Variants in NSL1 observed in about 807,000 individuals in gnomAD.
The protein encoded by NSL1 is NSL1 component of MIS12 kinetochore complex.
In NSL1, 11 loss-of-function variants were observed where a neutral mutation model predicts 25.4. That is an observed-to-expected ratio of 0.43 (90% CI 0.27 to 0.72). The LOEUF (loss-of-function observed/expected upper bound fraction) is 0.72. Ranked by LOEUF, NSL1 falls within the 30% of genes least tolerant of loss-of-function variation. The pLI, the probability that NSL1 is intolerant of heterozygous loss-of-function variation, is 0.19. For synonymous variants in NSL1, 118 were observed against 120.6 expected, an observed-to-expected ratio of 0.98 and a Z score of 0.14; for missense variants, 330 against 342.7, an observed-to-expected ratio of 0.96 and a Z score of 0.29.
chr1:212,762,849 T>C (rs1481822713), intron 4 of NSL1, among the ~76,000 whole-genome samples: 1 of 152,170 alleles, frequency 6.6e-6, no homozygotes, highest in Admixed American at 6.5e-5. Flanking sequence ...CTGCATCTCA[T>C]AGGGGCCCTC....
Position 212,736,074 on chromosome 1 carries a change from G to A in NSL1, c.*2334C>T, listed in dbSNP as rs1658221143. Reference sequence around the variant, plus strand: ...TTATTTTGAAACAGGGTCTCACTCTGTCACCCAGGCTGGAGTACAGTGGTG... The same window carrying A: ...TTATTTTGAAACAGGGTCTCACTCTATCACCCAGGCTGGAGTACAGTGGTG... On this transcript the variant is annotated 3_prime_UTR_variant, in exon 6 of 6. Transcript: ENST00000366977. 1 of 981,506 alleles carries A rather than the reference G, an allele frequency of 1.0e-6. No homozygotes were observed. The highest frequency in any genetic ancestry group is 6.1e-5 in the Admixed American group (1 of 16,266). The allele number at this position is 981,506 out of a possible 1,614,324, so 60.8% of individuals were successfully genotyped here.
Position 212,726,785 on chromosome 1 carries a change from G to C in NSL1, c.*11623C>G, listed in dbSNP as rs1657807314. 4.6e-6 allele frequency: 1 copy of C among 215,992 alleles called. No individual in the cohort carries two copies. 13.4% of individuals were successfully genotyped at this position (215,992 alleles called of 1,614,324 possible). On this transcript the variant is annotated 3_prime_UTR_variant, in exon 6 of 6. Transcript: ENST00000366977. ...CCATGGTGTCCATGAGAGGCTGCCA[G>C]CCACCTCGGTGGGGTCCTCCCACAA...
At chr1:212,757,947 AG>A (rs1298720251) in intron 4 of NSL1, among the ~76,000 whole-genome samples, 3 of 152,242 alleles carry the variant, frequency 2.0e-5, no homozygotes, top group African/African-American at 4.8e-5. Context: ...TAAAGGCAGC[AG>A]GATCTACTGA....
In NSL1 at chr1:212,731,514, A is replaced by G. The variant is rs1658015277; in HGVS notation, c.*6894T>C. 1.0e-6 allele frequency: 1 copy of G among 985,298 alleles called. No individual in the cohort carries two copies. The highest frequency in any genetic ancestry group is 6.1e-5 in the Admixed American group (1 of 16,262). 61.0% of individuals were successfully genotyped at this position (985,298 alleles called of 1,614,324 possible). On this transcript the variant is annotated 3_prime_UTR_variant, in exon 6 of 6. Transcript: ENST00000366977. ...TAGGGGATGATTTGTCTCTTAAACC[A>G]AATTTATTTTCCCTTAATTACTATA...
At chr1:212,790,877 C>T (rs919103977) in intron 1 of NSL1, among the ~76,000 whole-genome samples, 1 of 151,408 alleles carries the variant, frequency 6.6e-6, no homozygotes, top group African/African-American at 2.4e-5. Flanking sequence ...GAGCCGAGAT[C>T]GCGCCACTGC....
chr1:212,741,835 AG>A (rs1658521325), intron 4 of NSL1, among the ~76,000 whole-genome samples: 1 of 152,222 alleles, frequency 6.6e-6, no homozygotes, highest in Non-Finnish European at 1.5e-5. Context: ...AGAGAAACAC[AG>A]GAAGTTCTTC....
chr1:212,738,520 T>C lies in NSL1; in HGVS notation c.734A>G (p.Glu245Gly). The change falls in exon 6 of 6, where the codon GAG (glutamate) becomes GGG (glycine). Residue 245 changes from glutamate to glycine, a missense_variant. Coordinates refer to ENST00000366977, the MANE Select transcript of NSL1 (RefSeq NM_015471.4). ...FITQIETTPT[E>G]TASRKTSDMV... ...GTCAGAGGTTTTCCTGGAAGCAGTC[T>C]CTGTTGGTGTGGTTTCTATCTGTGT... 1 of 1,614,192 alleles carries C rather than the reference T, an allele frequency of 6.2e-7. No individual in the cohort carries two copies. Among genetic ancestry groups the C allele is most frequent in the African/African-American group, 1.3e-5 (1 of 75,044 alleles).
intron 4 of NSL1, among the ~76,000 whole-genome samples, chr1:212,757,420 T>C (rs1400340156): frequency 6.6e-6 from 1 of 152,182 alleles, no homozygotes; most frequent in Non-Finnish European, 1.5e-5. Context: ...TGTTAGTCTG[T>C]TTTATTACTA....
intron 4 of NSL1, among the ~76,000 whole-genome samples, chr1:212,743,528 A>G (rs1178402714): frequency 3.3e-5 from 5 of 151,228 alleles, no homozygotes; most frequent in African/African-American, 1.2e-4. Context: ...GGTTCCATGT[A>G]TACTCCAAAT....
Position 212,736,113 on chromosome 1 carries a change from C to T in NSL1, c.*2295G>A, listed in dbSNP as rs773996639. 6.6e-6 allele frequency: 6 copies of T among 912,258 alleles called. No homozygotes were observed. Among genetic ancestry groups the T allele is most frequent in the Non-Finnish European group, 7.9e-6 (6 of 763,352 alleles). The allele number at this position is 912,258 out of a possible 1,614,324, so 56.5% of individuals were successfully genotyped here. ...AGTACAGTGGTGCCATCCTGGCTCA[C>T]TGCAACTTCTGCCTCCAGGGCTCAA... On this transcript the variant is annotated 3_prime_UTR_variant, in exon 6 of 6. Coordinates refer to ENST00000366977, the MANE Select transcript of NSL1 (RefSeq NM_015471.4).
chr1:212,758,307 A>G (rs1659407514), intron 4 of NSL1, among the ~76,000 whole-genome samples: 2 of 152,254 alleles, frequency 1.3e-5, no homozygotes, highest in African/African-American at 4.8e-5. Context: ...CAGATTCTCA[A>G]GACACTGCTC....
intron 4 of NSL1, among the ~76,000 whole-genome samples, chr1:212,777,931 G>A (rs893770058): frequency 3.3e-5 from 5 of 152,202 alleles, no homozygotes; most frequent in African/African-American, 1.2e-4. Flanking sequence ...TGAAATGGAA[G>A]AGAGCAAGAG....
rs1659525119 is a variant in NSL1, at chr1:212,760,689, A to G, written c.500-21088T>C. Among the ~76,000 whole-genome samples the G allele has an allele frequency of 6.6e-6, 1 of 151,870 alleles. No homozygotes were observed. Among genetic ancestry groups the G allele is most frequent in the African/African-American group, 2.4e-5 (1 of 41,308 alleles). On this transcript the variant is annotated intron_variant, in intron 4 of 5. Transcript: ENST00000366977. The surrounding 1 kb of genome is among the most constrained non-coding windows in gnomAD (Gnocchi z 4.3). ...CCCGCCACTGCTACTGCCATCACCAACACCACGCATACTGCCCAGGGACTC... is the reference window on the plus strand; with the variant it reads ...CCCGCCACTGCTACTGCCATCACCAGCACCACGCATACTGCCCAGGGACTC...
At chr1:212,790,215 G>C (rs547364817) in intron 1 of NSL1, among the ~76,000 whole-genome samples, 1 of 152,184 alleles carries the variant, frequency 6.6e-6, no homozygotes, top group Non-Finnish European at 1.5e-5. Context: ...TTTTAGTAGA[G>C]ACGGGGTTTC....
rs1294281104 is a variant in NSL1 at position 212,735,102 on chromosome 1, A to C, written c.*3306T>G. The stretch of plus-strand genomic sequence containing the variant: ...CATAGACAGGTTATGTAACTTGCCC[A>C]ATGTCACTGAACTAATAATGGTAGA... On this transcript the variant is annotated 3_prime_UTR_variant, in exon 6 of 6. Transcript: ENST00000366977. Among the ~76,000 whole-genome samples, 2 of 152,222 alleles carry C rather than the reference A, an allele frequency of 1.3e-5. No individual in the cohort carries two copies. Among genetic ancestry groups the C allele is most frequent in the Non-Finnish European group, 1.5e-5 (1 of 68,038 alleles).
In NSL1 at chr1:212,732,613, C is replaced by T. The variant is rs572594956; in HGVS notation, c.*5795G>A. ...CCGGCCTACATAGTCTTATTCCAAC[C>T]TGGTCTGCCTAGTCTCCAAATCTGC... On this transcript the variant is annotated 3_prime_UTR_variant, in exon 6 of 6. Transcript: ENST00000366977. 1.5e-5 allele frequency: 15 copies of T among 985,320 alleles called. No individual in the cohort carries two copies. The highest frequency in any genetic ancestry group is 1.7e-5 in the Non-Finnish European group (14 of 829,898). 61.0% of individuals were successfully genotyped at this position (985,320 alleles called of 1,614,324 possible).
At position 212,730,237 on chromosome 1, in the gene NSL1, CAAA is replaced by C. The variant is rs532313864; in HGVS notation, c.*8168_*8170del. ...TACACTCCAGCCTGGGTGACAGTCT[CAAA>C]AAAAAAAAAAAAAAAAAAAAAAAAA... On this transcript the variant is annotated 3_prime_UTR_variant, in exon 6 of 6. Transcript: ENST00000366977. The C allele has an allele frequency of 0.015, 8,632 of 594,428 alleles. No individual in the cohort carries two copies. The highest frequency in any genetic ancestry group is 0.038 in the African/African-American group (806 of 21,216). The allele number at this position is 594,428 out of a possible 1,614,324, so 36.8% of individuals were successfully genotyped here.
chr1:212,728,052 C>G lies in NSL1; in HGVS notation c.*10356G>C. The G allele has an allele frequency of 1.0e-6, 1 of 985,408 alleles. No individual in the cohort carries two copies. Among genetic ancestry groups the G allele is most frequent in the Non-Finnish European group, 1.2e-6 (1 of 829,930 alleles). 61.0% of individuals were successfully genotyped at this position (985,408 alleles called of 1,614,324 possible). A position where few individuals can be genotyped will look rare whatever the true frequency, so the allele number is the denominator to read the frequency against. On this transcript the variant is annotated 3_prime_UTR_variant, in exon 6 of 6. Transcript: ENST00000366977. ...TCTGCTCTACATGGTCTATAGACCG[C>G]TGGGAAGGTGGCCAGGCACTTCCCT...
chr1:212,742,661 T>C (rs909057106), intron 4 of NSL1, among the ~76,000 whole-genome samples: 6 of 152,098 alleles, frequency 3.9e-5, no homozygotes, highest in Non-Finnish European at 8.8e-5. Context: ...TGATGAGAAA[T>C]AGAGGATGGA....
Sources: allele counts gnomAD v4.1 joint callset (sites outside exome capture counted in the v4.1 genomes callset), GRCh38; gene constraint gnomAD v4.1.1; non-coding constraint Gnocchi (gnomAD v3.1); transcripts MANE v1.5; gene names NCBI Gene and HGNC (gene_info 2026-07-23, HGNC 2026-07-21).